Variants in TRIM9 observed in about 807,000 individuals in gnomAD.
TRIM9 encodes tripartite motif containing 9, also known as E3 ubiquitin-protein ligase TRIM9.
In TRIM9, 26 loss-of-function variants were observed where a neutral mutation model predicts 78.3. The ratio of observed to expected loss-of-function variants is 0.33; its 90% confidence interval spans 0.24 to 0.46. The LOEUF is 0.46. TRIM9 is among the 20% of genes least tolerant of loss of function. The pLI is 1.00. For missense variants in TRIM9, 787 were observed against 1,036.4 expected (o/e 0.76, Z 3.30); for synonymous variants, 398 against 416.5 (o/e 0.96, Z 0.54).
At chr14:51,073,831 G>A (rs1168317414) in intron 1 of TRIM9, among the ~76,000 whole-genome samples, 7 of 152,132 alleles carry the variant, frequency 4.6e-5, no homozygotes. Context: ...GCAGCTGCAG[G>A]CTTACATCAT....
intron 2 of TRIM9, among the ~76,000 whole-genome samples, chr14:51,024,607 G>A (rs1367244719): frequency 6.6e-6 from 1 of 152,174 alleles, no homozygotes; most frequent in Admixed American, 6.5e-5. Context: ...AGCTATAGTG[G>A]AGAATTTATG....
At chr14:51,036,542 C>A (rs1008636083) in intron 1 of TRIM9, among the ~76,000 whole-genome samples, 5 of 152,092 alleles carry the variant, frequency 3.3e-5, no homozygotes, top group Admixed American at 6.5e-5. Context: ...CTTGGACAAC[C>A]CTAAATCATC....
chr14:51,051,181 TATC>T (rs2060388411), intron 1 of TRIM9, among the ~76,000 whole-genome samples: 1 of 152,220 alleles, frequency 6.6e-6, no homozygotes. Context: ...AAAAAAATAT[TATC>T]ATACCCAGAT....
At position 51,051,462 on chromosome 14, in the gene TRIM9, A is replaced by C. The variant is rs115899369; in HGVS notation, c.823-26102T>G. Among the ~76,000 whole-genome samples, 1,238 of 152,304 alleles carry C rather than the reference A, an allele frequency of 8.1e-3. 28 individuals carry two copies. The highest frequency in any genetic ancestry group is 0.028 in the African/African-American group (1,173 of 41,564). Reference sequence around the variant, plus strand: ...AAAAAGGGTGGAAGAGGAATTTGGGACAGGTCGGGTGAGGGCAGGCAGTCT... The same window carrying C: ...AAAAAGGGTGGAAGAGGAATTTGGGCCAGGTCGGGTGAGGGCAGGCAGTCT... On this transcript the variant is annotated intron_variant, in intron 1 of 12. Transcript: ENST00000684578.
chr14:51,004,564 A>G (rs2055510170), intron 5 of TRIM9, among the ~76,000 whole-genome samples: 2 of 152,346 alleles, frequency 1.3e-5, no homozygotes, highest in South Asian at 4.1e-4. Flanking sequence ...TCAACAGGGA[A>G]CACTAATCAT....
In TRIM9 at chr14:51,094,422, T is replaced by G; in HGVS notation, c.518A>C (p.Lys173Thr). ...CATGACGGTGGCTTCCTTGGGCGCC[T>G]TCTCGCAGAGCTGGCACTTGAGGGC... is the stretch of plus-strand genomic sequence containing the variant. ...AAALKCQLCE[K>T]APKEATVMCE... The change falls in exon 1 of 13, where the codon AAG becomes ACG. Residue 173 changes from lysine (K) to threonine (T), a missense_variant. This residue lies in a region of TRIM9 where 352 missense variants were observed against 472.3 expected (regional missense o/e 0.75). Transcript: ENST00000684578. 1 of 1,613,918 alleles carries G rather than the reference T, an allele frequency of 6.2e-7. No homozygotes were observed. Among genetic ancestry groups the G allele is most frequent in the Non-Finnish European group, 8.5e-7 (1 of 1,179,988 alleles).
intron 3 of TRIM9, among the ~76,000 whole-genome samples, chr14:51,012,064 T>C (rs941243840): frequency 1.4e-4 from 22 of 152,252 alleles, no homozygotes; most frequent in African/African-American, 5.1e-4. Context: ...TGTGTTATTG[T>C]GGCAAAATAT....
At chr14:51,072,790 A>G (rs2062413252) in intron 1 of TRIM9, among the ~76,000 whole-genome samples, 1 of 152,112 alleles carries the variant, frequency 6.6e-6, no homozygotes, top group African/African-American at 2.4e-5. Context: ...GCTTTATAAT[A>G]TTTCTAAGTG....
intron 7 of TRIM9, chr14:50,997,095 G>A (rs1334851794): frequency 7.1e-6 from 7 of 985,222 alleles, no homozygotes; most frequent in Non-Finnish European, 8.4e-6. Context: ...GGAGAATCCC[G>A]GTGAGGTGGG....
At chr14:51,080,444 C>T (rs1344808631) in intron 1 of TRIM9, among the ~76,000 whole-genome samples, 1 of 51,774 alleles carries the variant, frequency 1.9e-5, no homozygotes, top group East Asian at 2.5e-4. Context: ...TGAACACACA[C>T]ACACACACAC....
intron 1 of TRIM9, among the ~76,000 whole-genome samples, chr14:51,046,395 C>T (rs1406026410): frequency 6.6e-6 from 1 of 152,168 alleles, no homozygotes; most frequent in Non-Finnish European, 1.5e-5. Flanking sequence ...TTATCACTGT[C>T]AGTATCCAGC....
intron 1 of TRIM9, among the ~76,000 whole-genome samples, chr14:51,039,198 A>T (rs937376412): frequency 6.6e-6 from 1 of 152,262 alleles, no homozygotes; most frequent in African/African-American, 2.4e-5. Context: ...TGGTCAGCAC[A>T]TGGAACATCT....
intron 1 of TRIM9, among the ~76,000 whole-genome samples, chr14:51,077,095 A>G (rs1049442488): frequency 6.6e-6 from 1 of 152,080 alleles, no homozygotes; most frequent in Non-Finnish European, 1.5e-5. Context: ...CTCCTAGTTT[A>G]TTGTCCATTA....
At chr14:51,016,228 T>C (rs1254720099) in intron 3 of TRIM9, among the ~76,000 whole-genome samples, 3 of 152,128 alleles carry the variant, frequency 2.0e-5, no homozygotes, top group Admixed American at 6.5e-5. Flanking sequence ...AGGGCAGGGG[T>C]CCTCAACCCC....
chr14:51,004,632 G>T (rs1042443711), intron 5 of TRIM9, among the ~76,000 whole-genome samples: 10 of 152,088 alleles, frequency 6.6e-5, no homozygotes, highest in African/African-American at 2.2e-4. Flanking sequence ...AGGTTTACAG[G>T]TATTCACTCA....
At chr14:51,070,666 A>G (rs984299570) in intron 1 of TRIM9, among the ~76,000 whole-genome samples, 1 of 152,200 alleles carries the variant, frequency 6.6e-6, no homozygotes, top group African/African-American at 2.4e-5. Context: ...AGCATTTTGG[A>G]TTAAGAATAC....
intron 11 of TRIM9, among the ~76,000 whole-genome samples, chr14:50,980,786 T>C (rs1205724632): frequency 6.6e-6 from 1 of 152,246 alleles, no homozygotes; most frequent in Non-Finnish European, 1.5e-5. Context: ...ATGGTGTGTG[T>C]GTTCACTTCA....
At chr14:50,997,471 T>C (rs1280721486) in intron 7 of TRIM9, 2 of 985,768 alleles carry the variant, frequency 2.0e-6, no homozygotes, top group East Asian at 2.3e-4. Flanking sequence ...TCAATCCTGG[T>C]GCTGACGGCC....
At chr14:51,017,073 CAA>C (rs1204951112) in intron 3 of TRIM9, among the ~76,000 whole-genome samples, 1 of 152,148 alleles carries the variant, frequency 6.6e-6, no homozygotes, top group Non-Finnish European at 1.5e-5. Flanking sequence ...ATCTTTCTGA[CAA>C]AATAAAGAAT....
Sources: gnomAD v4.1 joint callset for allele counts (sites outside exome capture counted in the v4.1 genomes callset) on GRCh38, gnomAD v4.1.1 for gene constraint, gnomAD v4.1.1 regional missense constraint, MANE v1.5 for transcripts, NCBI Gene and HGNC (gene_info 2026-07-23, HGNC 2026-07-21) for gene names.